VPS18: variants seen among roughly 807,000 people sequenced by gnomAD.
VPS18 encodes VPS18 core subunit of CORVET and HOPS complexes, also known as vacuolar protein sorting-associated protein 18 homolog.
In VPS18, 25 loss-of-function variants were observed where a neutral mutation model predicts 82.0. That is an observed-to-expected ratio of 0.30 (90% confidence interval 0.22 to 0.43). VPS18 has a LOEUF of 0.43. VPS18 is among the 20% of genes least tolerant of loss of function. The probability of loss-of-function intolerance (pLI) is 1.00; values close to 1 mark genes in which losing one functional copy is unlikely to be tolerated. For missense variants in VPS18, 1,168 were observed against 1,311.1 expected (o/e 0.89, Z 1.69); for synonymous variants, 523 against 543.0 (o/e 0.96, Z 0.51).
At chr15:40,896,135 G>A (rs1596173513) in intron 2 of VPS18, 56 bp downstream of exon 2, 1 of 1,600,178 alleles carries the variant, frequency 6.2e-7, no homozygotes, top group Non-Finnish European at 8.5e-7. Context: ...TTTGGGGACT[G>A]TTAACTCACT....
At chr15:40,898,740 TG>T in intron 2 of VPS18, 166 bp from the exon 3 acceptor site, 1 of 752,520 alleles carries the variant, frequency 1.3e-6, no homozygotes, top group Non-Finnish European at 2.3e-6. Flanking sequence ...CCCAAAGTGC[TG>T]GGATTACAGG....
intron 1 of VPS18, 52 bp downstream of exon 1, chr15:40,894,911 T>A: frequency 6.6e-7 from 1 of 1,516,136 alleles, no homozygotes; most frequent in Non-Finnish European, 8.9e-7. Flanking sequence ...AGCATTTGCG[T>A]GGGAGCAGCG....
rs1478274634 is a variant in VPS18 at position 40,900,538 on chromosome 15, T to C, written c.1720T>C (p.Cys574Arg). ...CTATGAGCGGGTGGTGGCTTACCAC[T>C]GTCAGCACGAGGCCTACGAGGAGGC... Reference protein sequence around the residue: ...QDYERVVAYHCQHEAYEEALA... With the variant: ...QDYERVVAYHRQHEAYEEALA... The change falls in exon 4 of 5, where the codon TGT becomes CGT. Residue 574 changes from cysteine to arginine, a missense_variant. This residue lies in a region of VPS18 where 868 missense variants were observed against 939.8 expected (regional missense o/e 0.92). Transcript: ENST00000220509. The surrounding 1 kb of genome is among the most constrained non-coding windows in gnomAD (Gnocchi z 5.4). The C allele has an allele frequency of 3.1e-6, 5 of 1,614,064 alleles. No individual in the cohort carries two copies. The highest frequency in any genetic ancestry group is 1.6e-4 in the Middle Eastern group (1 of 6,062).
In VPS18 at chr15:40,900,158, C is replaced by G. The variant is rs761572765; in HGVS notation, c.1340C>G (p.Ala447Gly). ...TACCTGGAGAGCGCACGCTGCTATGCCCTGACCCAGAGCTACTTTGAGGAG... is the reference window on the plus strand; with the variant it reads ...TACCTGGAGAGCGCACGCTGCTATGGCCTGACCCAGAGCTACTTTGAGGAG... ...RRYLESARCY[A>G]LTQSYFEEIA... The change falls in exon 4 of 5, where the codon GCC (alanine) becomes GGC (glycine). Residue 447 changes from alanine to glycine, a missense_variant. Ala to Gly is a moderately conservative substitution (Grantham distance 60). This residue lies in a region of VPS18 where 868 missense variants were observed against 939.8 expected (regional missense o/e 0.92). Coordinates refer to ENST00000220509, the MANE Select transcript of VPS18 (RefSeq NM_020857.3). The surrounding 1 kb of genome is among the most constrained non-coding windows in gnomAD (Gnocchi z 5.4). 34 of 1,613,676 alleles carry G rather than the reference C, an allele frequency of 2.1e-5. No homozygotes were observed. The highest frequency in any genetic ancestry group is 2.7e-5 in the Non-Finnish European group (32 of 1,180,042).
rs1478266083 is a variant in VPS18 at position 40,902,739 on chromosome 15, A to C, written c.2320A>C (p.Met774Leu). Residue 774 changes from methionine to leucine, a missense_variant, in exon 5 of 5, where the codon ATG (methionine) becomes CTG (leucine). Coordinates refer to ENST00000220509, the MANE Select transcript of VPS18 (RefSeq NM_020857.3). This position sits in a 1 kb window ranked among gnomAD's most constrained non-coding sequence, Gnocchi z 4.2. ...VQEEEDVQTA[M>L]ACLASCPLLK... is the part of the protein sequence containing the mutation. ...GGAAGAGGAAGATGTACAGACAGCCATGGCTTGCCTGGCTAGCTGCCCCTT... is the reference window on the plus strand; with the variant it reads ...GGAAGAGGAAGATGTACAGACAGCCCTGGCTTGCCTGGCTAGCTGCCCCTT... 6.2e-7 allele frequency: 1 copy of C among 1,614,288 alleles called. No individual in the cohort carries two copies. The highest frequency in any genetic ancestry group is 2.2e-5 in the East Asian group (1 of 44,892).
chr15:40,896,157 C>T (rs1892226553), intron 2 of VPS18, 78 bp downstream of exon 2: 3 of 1,567,846 alleles, frequency 1.9e-6, no homozygotes, highest in Non-Finnish European at 1.7e-6. Flanking sequence ...GGCCTTTCTT[C>T]TATTCCAGGC....
chr15:40,895,413 A>C (rs1892212395), intron 1 of VPS18, among the ~76,000 whole-genome samples: 1 of 151,958 alleles, frequency 6.6e-6, no homozygotes, highest in Non-Finnish European at 1.5e-5. Flanking sequence ...GGGCATAGGG[A>C]GCCCTGGGGA....
At chr15:40,901,528 A>G (rs1050160113) in intron 4 of VPS18, among the ~76,000 whole-genome samples, 3 of 151,552 alleles carry the variant, frequency 2.0e-5, no homozygotes, top group African/African-American at 4.9e-5. Flanking sequence ...TAGAGGTTGC[A>G]TTGAGCTGAG....
chr15:40,903,353 C>T lies in VPS18; in HGVS notation c.*12C>T, dbSNP rs187027964. On this transcript the variant is annotated 3_prime_UTR_variant, in exon 5 of 5. Coordinates refer to ENST00000220509, the MANE Select transcript of VPS18 (RefSeq NM_020857.3). ...TCAGTTGGCTGTAGGAGGGTGTCAC[C>T]TTTGATGGGGGGTGGGCAATGGGGA... is the stretch of plus-strand genomic sequence containing the variant. The T allele has an allele frequency of 9.5e-5, 145 of 1,522,652 alleles. No individual in the cohort carries two copies. In the Middle Eastern group the frequency reaches 2.2e-3, roughly 24 times the overall value. 94.3% of individuals were successfully genotyped at this position (1,522,652 alleles called of 1,614,324 possible).
In VPS18 at chr15:40,902,770, A is replaced by G. The variant is rs1317395369; in HGVS notation, c.2351A>G (p.Lys784Arg). Residue 784 changes from lysine to arginine, a missense_variant, in exon 5 of 5, where the codon AAG becomes AGG. This residue lies in a region of VPS18 where 296 missense variants were observed against 354.0 expected (regional missense o/e 0.84). Coordinates refer to ENST00000220509, the MANE Select transcript of VPS18 (RefSeq NM_020857.3). The surrounding 1 kb of genome is among the most constrained non-coding windows in gnomAD (Gnocchi z 4.2). Reference sequence around the variant, plus strand: ...TGCCTGGCTAGCTGCCCCTTGCTCAAGATTGAGGATGTGCTGCCCTTCTTT... The same window carrying G: ...TGCCTGGCTAGCTGCCCCTTGCTCAGGATTGAGGATGTGCTGCCCTTCTTT... ...MACLASCPLL[K>R]IEDVLPFFPD... The G allele has an allele frequency of 6.2e-7, 1 of 1,614,260 alleles. No individual in the cohort carries two copies. The highest frequency in any genetic ancestry group is 1.7e-5 in the Admixed American group (1 of 60,028).
intron 1 of VPS18, 72 bp downstream of exon 1, chr15:40,894,931 G>A: frequency 1.4e-6 from 2 of 1,444,526 alleles, no homozygotes; most frequent in Non-Finnish European, 1.9e-6. Flanking sequence ...GAGGAGGGCA[G>A]CTCCAAGAGC....
chr15:40,898,393 C>T (rs1892271827), intron 2 of VPS18, among the ~76,000 whole-genome samples: 4 of 152,010 alleles, frequency 2.6e-5, no homozygotes, highest in Admixed American at 2.6e-4. Context: ...GCCACTGCAC[C>T]TGGCAAGAGA....
chr15:40,897,490 G>A (rs543450188), intron 2 of VPS18, among the ~76,000 whole-genome samples: 6 of 152,146 alleles, frequency 3.9e-5, no homozygotes, highest in Non-Finnish European at 8.8e-5. Context: ...CCCTATTTAT[G>A]TTATGAGTAT....
In VPS18 at chr15:40,899,704, G is replaced by T. The variant is rs1345490532; in HGVS notation, c.886G>T (p.Ala296Ser). The change falls in exon 4 of 5, where the codon GCA becomes TCA. Residue 296 changes from alanine (A) to serine (S), a missense_variant. Ala to Ser is a moderately conservative substitution (Grantham distance 99). Transcript: ENST00000220509. The surrounding 1 kb of genome is among the most constrained non-coding windows in gnomAD (Gnocchi z 4.4). ...WMMGDGVLYG[A>S]LDCGRPDSLL... is the part of the protein sequence containing the mutation. Reference sequence around the variant, plus strand: ...GATGGGGGATGGTGTGTTGTATGGGGCATTGGACTGTGGGCGCCCTGACTC... The same window carrying T: ...GATGGGGGATGGTGTGTTGTATGGGTCATTGGACTGTGGGCGCCCTGACTC... The T allele has an allele frequency of 7.4e-6, 12 of 1,613,828 alleles. No individual in the cohort carries two copies. The highest frequency in any genetic ancestry group is 1.0e-5 in the Non-Finnish European group (12 of 1,180,056).
chr15:40,895,136 G>T (rs1892206682), intron 1 of VPS18, among the ~76,000 whole-genome samples: 2 of 152,232 alleles, frequency 1.3e-5, no homozygotes, highest in African/African-American at 4.8e-5. Flanking sequence ...ACAGGGCGCA[G>T]TTGGGCTGTT....
Position 40,894,643 on chromosome 15 carries a change from G to C in VPS18, c.-126G>C. On this transcript the variant is annotated 5_prime_UTR_variant, in exon 1 of 5. Transcript: ENST00000220509. ...GGATTTTAAAGAGGAGGCGACGGCTGCAGGTTCCCAGGATCTGTCAGAGGC... is the reference window on the plus strand; with the variant it reads ...GGATTTTAAAGAGGAGGCGACGGCTCCAGGTTCCCAGGATCTGTCAGAGGC... The C allele has an allele frequency of 1.2e-6, 1 of 829,164 alleles. No individual in the cohort carries two copies. The highest frequency in any genetic ancestry group is 1.8e-6 in the Non-Finnish European group (1 of 556,582). 51.4% of individuals were successfully genotyped at this position (829,164 alleles called of 1,614,324 possible).
In VPS18 at chr15:40,902,536, T is replaced by C; in HGVS notation, c.2197-80T>C. On this transcript the variant is annotated intron_variant, in intron 4 of 4. Coordinates refer to ENST00000220509, the MANE Select transcript of VPS18 (RefSeq NM_020857.3). The surrounding 1 kb of genome is among the most constrained non-coding windows in gnomAD (Gnocchi z 4.2). ...GCTGGGAATCCTGCCTCGGGGCCTC[T>C]CCTCGGCCATCTCTCTCTCCCATAG... 5 of 1,517,994 alleles carry C rather than the reference T, an allele frequency of 3.3e-6. No individual in the cohort carries two copies. Among genetic ancestry groups the C allele is most frequent in the Non-Finnish European group, 4.4e-6 (5 of 1,133,592 alleles). The allele number at this position is 1,517,994 out of a possible 1,614,324, so 94.0% of individuals were successfully genotyped here.
rs556138686 is a variant in VPS18 at position 40,894,718 on chromosome 15, G to A, written c.-51G>A. ...GGGCGACGGGGACCCCGGGGGGGTA[G>A]CCCTTTTGTAATCCCCAGGCCCCGG... is the stretch of plus-strand genomic sequence containing the variant. On this transcript the variant is annotated 5_prime_UTR_variant, in exon 1 of 5. Transcript: ENST00000220509. 466 of 1,503,430 alleles carry A rather than the reference G, an allele frequency of 3.1e-4. 12 individuals are homozygous for A. The East Asian group carries it at 7.0e-3, about 23-fold the overall frequency. The allele number at this position is 1,503,430 out of a possible 1,614,324, so 93.1% of individuals were successfully genotyped here.
At position 40,894,863 on chromosome 15, in the gene VPS18, A is replaced by T. The variant is rs1246755170; in HGVS notation, c.91+4A>T. Reference sequence around the variant, plus strand: ...AGCGTGGGCATCCCCCACTCGGGTAAGGAAGAGGAGGGTGCCGCTGCCCCT... The same window carrying T: ...AGCGTGGGCATCCCCCACTCGGGTATGGAAGAGGAGGGTGCCGCTGCCCCT... On this transcript the variant is annotated splice_donor_region_variant and intron_variant, in intron 1 of 4. Coordinates refer to ENST00000220509, the MANE Select transcript of VPS18 (RefSeq NM_020857.3). 4 of 1,550,050 alleles carry T rather than the reference A, an allele frequency of 2.6e-6. No homozygotes were observed. Among genetic ancestry groups the T allele is most frequent in the Non-Finnish European group, 2.6e-6 (3 of 1,147,410 alleles).
Sources: gnomAD v4.1 joint callset for allele counts (sites outside exome capture counted in the v4.1 genomes callset) on GRCh38, gnomAD v4.1.1 for gene constraint, gnomAD v4.1.1 regional missense constraint, Gnocchi (gnomAD v3.1) non-coding constraint, MANE v1.5 for transcripts, NCBI Gene and HGNC (gene_info 2026-07-23, HGNC 2026-07-21) for gene names.